Variants in NBAS observed in about 807,000 individuals in gnomAD.
NBAS encodes NBAS subunit of NRZ tethering complex, also known as NAG/BC035112 fusion.
A neutral mutation model predicts 302.5 loss-of-function variants in NBAS; 219 were observed. That is an observed-to-expected ratio of 0.72 (90% CI 0.65 to 0.81). NBAS has a LOEUF of 0.81. Ranked by LOEUF, NBAS falls within the 30% of genes least tolerant of loss-of-function variation. The pLI, the probability that NBAS is intolerant of heterozygous loss-of-function variation, is 0.00. For missense variants in NBAS, 2,932 were observed against 2,841.6 expected (o/e 1.03, Z -0.72); for synonymous variants, 1,118 against 1,021.6 (o/e 1.09, Z -1.80).
chr2:14,796,446 A>G, the NBAS span, among the ~76,000 whole-genome samples: 1 of 152,206 alleles, frequency 6.6e-6, no homozygotes, highest in African/African-American at 2.4e-5. Flanking sequence ...CATCTTAACA[A>G]TATTGAATTT....
At chr2:15,500,400 C>T (rs1421342701) in intron 11 of NBAS, among the ~76,000 whole-genome samples, 1 of 151,678 alleles carries the variant, frequency 6.6e-6, no homozygotes, top group African/African-American at 2.4e-5. Context: ...AGGTGCCAGG[C>T]ATTGTTTTAC....
At chr2:14,840,961 T>C in the NBAS span, among the ~76,000 whole-genome samples, 1 of 151,998 alleles carries the variant, frequency 6.6e-6, no homozygotes, top group Admixed American at 6.5e-5. Context: ...CCAAAAACAA[T>C]ATACCTCCAG....
chr2:15,044,512 A>G, the NBAS span, among the ~76,000 whole-genome samples: 3 of 152,262 alleles, frequency 2.0e-5, no homozygotes, highest in Admixed American at 2.0e-4. Flanking sequence ...AGCAGAGTAT[A>G]GAATTAAGAT....
In NBAS at chr2:15,311,932, C is replaced by A. The variant is rs185558674; in HGVS notation, c.4583-2685G>T. ...ACTGCTAACCTTACAAATGAGTGGT[C>A]TGCCCCACTGCACCCATTACCTTGA... On this transcript the variant is annotated intron_variant, in intron 38 of 51. Coordinates refer to ENST00000281513, the MANE Select transcript of NBAS (RefSeq NM_015909.4). Among the ~76,000 whole-genome samples, 11 of 152,244 alleles carry A rather than the reference C, an allele frequency of 7.2e-5. No homozygotes were observed. The South Asian group carries it at 1.2e-3, about 17-fold the overall frequency.
chr2:15,392,261 G>A (rs1675646017), intron 28 of NBAS, among the ~76,000 whole-genome samples: 1 of 151,162 alleles, frequency 6.6e-6, no homozygotes, highest in Non-Finnish European at 1.5e-5. Flanking sequence ...AAAAAAAAAA[G>A]CTTGGAGAGG....
the NBAS span, among the ~76,000 whole-genome samples, chr2:15,057,992 C>T: frequency 0.49 from 75,095 of 152,092 alleles, 20,853 homozygotes; most frequent in African/African-American, 0.77. Flanking sequence ...CACACTGCTG[C>T]TGGGAATGTA....
intron 41 of NBAS, among the ~76,000 whole-genome samples, chr2:15,289,191 C>G (rs1441640909): frequency 6.6e-6 from 1 of 152,302 alleles, no homozygotes; most frequent in African/African-American, 2.4e-5. Flanking sequence ...ATCCACCCAC[C>G]CACCTACCCA....
At chr2:15,475,599 GATA>G in intron 14 of NBAS, 85 bp downstream of exon 14, 2 of 1,264,726 alleles carry the variant, frequency 1.6e-6, no homozygotes, top group African/African-American at 1.5e-5. Flanking sequence ...TTAAAGAAAA[GATA>G]ATAAGACAAC....
intron 48 of NBAS, among the ~76,000 whole-genome samples, chr2:15,208,597 T>C (rs954320001): frequency 6.6e-6 from 1 of 152,152 alleles, no homozygotes; most frequent in Non-Finnish European, 1.5e-5. Context: ...AGCTGGAGAA[T>C]ATACTTCTTT....
At chr2:14,909,960 G>A in the NBAS span, among the ~76,000 whole-genome samples, 1 of 152,210 alleles carries the variant, frequency 6.6e-6, no homozygotes, top group Non-Finnish European at 1.5e-5. Context: ...TGGCAGGATT[G>A]TTGTTGTTCC....
the NBAS span, among the ~76,000 whole-genome samples, chr2:15,071,668 C>T: frequency 6.6e-6 from 1 of 150,492 alleles, no homozygotes; most frequent in Non-Finnish European, 1.5e-5. Context: ...CAGTATTAAT[C>T]GTGCCGAGGC....
At chr2:15,495,359 A>G (rs1296351531) in intron 11 of NBAS, among the ~76,000 whole-genome samples, 2 of 152,178 alleles carry the variant, frequency 1.3e-5, no homozygotes, top group Admixed American at 1.3e-4. Flanking sequence ...TCCAACTACT[A>G]ATTTATAAGA....
chr2:15,536,702 A>C (rs1338304086), intron 7 of NBAS, 151 bp from the exon 8 acceptor site: 1 of 773,886 alleles, frequency 1.3e-6, no homozygotes, highest in Admixed American at 2.8e-5. Context: ...AGAATCATGC[A>C]AGTCAGAATG....
the NBAS span, among the ~76,000 whole-genome samples, chr2:14,846,995 A>G: frequency 6.6e-6 from 1 of 152,198 alleles, no homozygotes; most frequent in South Asian, 2.1e-4. Context: ...TAAATGGACC[A>G]ACCTCTCCAA....
chr2:15,223,165 A>T (rs551509303), intron 47 of NBAS, among the ~76,000 whole-genome samples: 12 of 152,322 alleles, frequency 7.9e-5, no homozygotes, highest in Admixed American at 3.3e-4. Flanking sequence ...TAGCTTCAAA[A>T]TTGCTTATAT....
intron 30 of NBAS, among the ~76,000 whole-genome samples, chr2:15,375,799 AC>A (rs1159604255): frequency 6.6e-6 from 1 of 152,178 alleles, no homozygotes; most frequent in Non-Finnish European, 1.5e-5. Flanking sequence ...AAGAAAGCAT[AC>A]CAAATCAGGA....
At chr2:15,408,512 T>C (rs1253719102) in intron 25 of NBAS, among the ~76,000 whole-genome samples, 1 of 152,232 alleles carries the variant, frequency 6.6e-6, no homozygotes, top group Non-Finnish European at 1.5e-5. Flanking sequence ...TTTTTGTATA[T>C]AATTTCCTTC....
chr2:15,211,623 T>C (rs553758015), intron 48 of NBAS, among the ~76,000 whole-genome samples: 3 of 152,334 alleles, frequency 2.0e-5, no homozygotes, highest in Non-Finnish European at 2.9e-5. Context: ...CGTAGGAGGA[T>C]TGAAGAGAAG....
At chr2:14,812,232 G>A in the NBAS span, among the ~76,000 whole-genome samples, 2 of 152,286 alleles carry the variant, frequency 1.3e-5, no homozygotes, top group Middle Eastern at 3.4e-3. Context: ...TTACAAGAAG[G>A]GGCATCACAG....
Sources: gnomAD v4.1 joint callset for allele counts (sites outside exome capture counted in the v4.1 genomes callset) on GRCh38, gnomAD v4.1.1 for gene constraint, MANE v1.5 for transcripts, NCBI Gene and HGNC (gene_info 2026-07-23, HGNC 2026-07-21) for gene names.